NRXN3: variants seen among roughly 807,000 people sequenced by gnomAD.
The protein encoded by NRXN3 is neurexin III.
In NRXN3, 32 loss-of-function variants were observed where a neutral mutation model predicts 137.6. That is an observed-to-expected ratio of 0.23 (90% CI 0.18 to 0.31). The LOEUF is 0.31. Ranked by LOEUF, NRXN3 falls within the 10% of genes least tolerant of loss-of-function variation. The pLI, the probability that NRXN3 is intolerant of heterozygous loss-of-function variation, is 1.00. For missense variants in NRXN3, 1,574 were observed against 2,062.5 expected, an observed-to-expected ratio of 0.76 and a Z score of 4.59; for synonymous variants, 798 against 784.5, an observed-to-expected ratio of 1.02 and a Z score of -0.29.
chr14:78,535,724 T>C (rs1265197918), intron 4 of NRXN3, among the ~76,000 whole-genome samples: 1 of 152,234 alleles, frequency 6.6e-6, no homozygotes, highest in East Asian at 1.9e-4. Flanking sequence ...CTGTATTGTG[T>C]TGGGTAAAGC....
In NRXN3 at chr14:79,866,774, G is replaced by T. The variant is rs566916836; in HGVS notation, c.*4810G>T. ...AGAGATGTTTATCTGGGGGAAAAAG[G>T]CATAAGTCAATCTTCTTGGAGAGAA... On this transcript the variant is annotated 3_prime_UTR_variant, in exon 21 of 21. Coordinates refer to ENST00000335750, the MANE Select transcript of NRXN3 (RefSeq NM_001330195.2). 1 of 152,302 alleles carries T rather than the reference G, an allele frequency of 6.6e-6. No individual in the cohort carries two copies. The highest frequency in any genetic ancestry group is 2.1e-4 in the South Asian group (1 of 4,816). 9.4% of individuals were successfully genotyped at this position (152,302 alleles called of 1,614,324 possible). A position where few individuals can be genotyped will look rare whatever the true frequency, so the allele number is the denominator to read the frequency against.
chr14:78,538,650 G>A (rs1009244378), intron 4 of NRXN3, among the ~76,000 whole-genome samples: 12 of 148,966 alleles, frequency 8.1e-5, no homozygotes, highest in African/African-American at 2.7e-4. Context: ...CCAACACTAT[G>A]TTGAATGGGA....
intron 15 of NRXN3, among the ~76,000 whole-genome samples, chr14:79,026,855 A>G (rs865867651): frequency 6.6e-6 from 1 of 151,410 alleles, no homozygotes; most frequent in African/African-American, 2.4e-5. Flanking sequence ...TGGCAGAGTG[A>G]AATCCAATTA....
At chr14:78,258,259 CCTT>C (rs1205849130) in intron 2 of NRXN3, among the ~76,000 whole-genome samples, 2 of 152,076 alleles carry the variant, frequency 1.3e-5, no homozygotes, top group Non-Finnish European at 2.9e-5. Context: ...AATAATATGC[CCTT>C]CTGGTTGTAG....
In NRXN3 at chr14:78,487,503, G is replaced by A. The variant is rs191893452; in HGVS notation, c.758-157617G>A. 4.3e-4 allele frequency among the ~76,000 whole-genome samples: 66 copies of A among 152,302 alleles called. 1 individual carries two copies. Among genetic ancestry groups the A allele is most frequent in the African/African-American group, 1.5e-3 (63 of 41,574 alleles). ...CACACCTGTAATCCCAACACTTTGG[G>A]AAGCCAAGGCAAGTGGATCACTTGA... is the stretch of plus-strand genomic sequence containing the variant. On this transcript the variant is annotated intron_variant, in intron 4 of 20. Coordinates refer to ENST00000335750, the MANE Select transcript of NRXN3 (RefSeq NM_001330195.2).
At chr14:79,133,535 G>C (rs1391069801) in intron 15 of NRXN3, among the ~76,000 whole-genome samples, 1 of 152,030 alleles carries the variant, frequency 6.6e-6, no homozygotes, top group African/African-American at 2.4e-5. Context: ...TGAAGACAAG[G>C]GATATGTAAA....
At chr14:78,222,479 C>T (rs865818488) in intron 1 of NRXN3, among the ~76,000 whole-genome samples, 2 of 152,168 alleles carry the variant, frequency 1.3e-5, no homozygotes, top group East Asian at 1.9e-4. Context: ...TTCTCCCTTC[C>T]GGACTAACTG....
intron 15 of NRXN3, among the ~76,000 whole-genome samples, chr14:79,460,848 T>C (rs550757937): frequency 6.6e-5 from 10 of 152,320 alleles, no homozygotes; most frequent in Admixed American, 2.6e-4. Flanking sequence ...TGCTCATTTC[T>C]TTGCCAAGGA....
chr14:78,637,418 A>G (rs2097576502), intron 4 of NRXN3, among the ~76,000 whole-genome samples: 1 of 152,138 alleles, frequency 6.6e-6, no homozygotes, highest in Non-Finnish European at 1.5e-5. Flanking sequence ...TATATCACCT[A>G]CCAAACCCTT....
At chr14:78,627,112 C>T (rs1309495153) in intron 4 of NRXN3, among the ~76,000 whole-genome samples, 1 of 74,062 alleles carries the variant, frequency 1.4e-5, no homozygotes, top group Non-Finnish European at 2.4e-5. Flanking sequence ...CCTTCTCTCT[C>T]TCTCTCTCTC....
intron 8 of NRXN3, among the ~76,000 whole-genome samples, chr14:78,746,093 G>A (rs1463107999): frequency 6.6e-6 from 1 of 152,172 alleles, no homozygotes; most frequent in Admixed American, 6.5e-5. Context: ...TTCTGCAAAA[G>A]GACTGGTATT....
intron 15 of NRXN3, among the ~76,000 whole-genome samples, chr14:79,327,779 A>G (rs999341816): frequency 6.6e-6 from 1 of 152,210 alleles, no homozygotes; most frequent in Admixed American, 6.5e-5. Context: ...GGAGGAGGAC[A>G]GTATCTTTCT....
At chr14:79,122,466 C>T (rs984649370) in intron 15 of NRXN3, among the ~76,000 whole-genome samples, 1 of 152,106 alleles carries the variant, frequency 6.6e-6, no homozygotes, top group African/African-American at 2.4e-5. Context: ...ATGCTAATGC[C>T]ATTAGCACTC....
At position 79,382,469 on chromosome 14, in the gene NRXN3, G is replaced by A. The variant is rs796322779; in HGVS notation, c.3263-84752G>A. ...CTATGTCCAGAAACTAGGTATTTGG[G>A]AACATGATGTTCTGTCAGTCGGTTG... On this transcript the variant is annotated intron_variant, in intron 15 of 20. Coordinates refer to ENST00000335750, the MANE Select transcript of NRXN3 (RefSeq NM_001330195.2). 5.9e-5 allele frequency among the ~76,000 whole-genome samples: 9 copies of A among 152,198 alleles called. No individual in the cohort carries two copies. The South Asian group carries it at 1.9e-3, about 32-fold the overall frequency.
chr14:78,868,290 T>C (rs1444535892), intron 10 of NRXN3, among the ~76,000 whole-genome samples: 1 of 152,034 alleles, frequency 6.6e-6, no homozygotes, highest in East Asian at 1.9e-4. Flanking sequence ...TTAGTTCCTT[T>C]TTTCCTAATT....
chr14:79,002,197 T>C (rs970849281), intron 15 of NRXN3, among the ~76,000 whole-genome samples: 1 of 152,170 alleles, frequency 6.6e-6, no homozygotes, highest in African/African-American at 2.4e-5. Context: ...ATATTCCTGA[T>C]TGGAAATGTG....
intron 16 of NRXN3, among the ~76,000 whole-genome samples, chr14:79,615,672 G>C (rs1434058873): frequency 6.6e-6 from 1 of 152,144 alleles, no homozygotes; most frequent in Non-Finnish European, 1.5e-5. Flanking sequence ...GGAGAGGGAA[G>C]TGCAGAGTGA....
intron 4 of NRXN3, among the ~76,000 whole-genome samples, chr14:78,376,522 A>T (rs150565911): frequency 3.3e-5 from 5 of 152,036 alleles, no homozygotes; most frequent in Non-Finnish European, 5.9e-5. Flanking sequence ...ATATAAGAAG[A>T]CTCTGAAACA....
chr14:78,223,795 T>C (rs1013149377), intron 1 of NRXN3, among the ~76,000 whole-genome samples: 9 of 152,220 alleles, frequency 5.9e-5, no homozygotes, highest in Admixed American at 2.0e-4. Flanking sequence ...TCAGGAATTC[T>C]GAAAATCAGG....
Sources: gnomAD v4.1 joint callset for allele counts (sites outside exome capture counted in the v4.1 genomes callset) on GRCh38, gnomAD v4.1.1 for gene constraint, MANE v1.5 for transcripts, NCBI Gene and HGNC (gene_info 2026-07-23, HGNC 2026-07-21) for gene names.